Variants in ZMYND11 observed in about 807,000 individuals in gnomAD.
ZMYND11 encodes zinc finger MYND domain-containing protein 11.
ZMYND11 carries 9 observed loss-of-function variants against 84.9 expected under a neutral mutation model. The observed-to-expected ratio is 0.11, with a 90% confidence interval of 0.06 to 0.18. The LOEUF is 0.18. ZMYND11 is among the 10% of genes least tolerant of loss of function. ZMYND11 has a pLI of 1.00. For synonymous variants in ZMYND11, 250 were observed against 244.1 expected (o/e 1.02, Z -0.23); for missense variants, 409 against 761.0 (o/e 0.54, Z 5.44).
At chr10:182,565 C>T (rs1848104697) in intron 2 of ZMYND11, among the ~76,000 whole-genome samples, 1 of 152,132 alleles carries the variant, frequency 6.6e-6, no homozygotes, top group African/African-American at 2.4e-5. Context: ...CAAGTGTTTC[C>T]TCTTCCTCAT....
intron 9 of ZMYND11, 59 bp downstream of exon 9, chr10:241,029 G>C (rs574254202): frequency 7.3e-7 from 1 of 1,368,590 alleles, no homozygotes; most frequent in Admixed American, 2.0e-5. Flanking sequence ...TTTATTTCCA[G>C]TTTGGTTAAA....
At chr10:176,509 A>C (rs1345559720) in intron 1 of ZMYND11, among the ~76,000 whole-genome samples, 1 of 152,204 alleles carries the variant, frequency 6.6e-6, no homozygotes, top group Non-Finnish European at 1.5e-5. Context: ...AGTGAATTTA[A>C]TAATTTTATA....
At chr10:181,771 G>GA (rs199767832) in intron 2 of ZMYND11, among the ~76,000 whole-genome samples, 3,527 of 151,110 alleles carry the variant, frequency 0.023, 135 homozygotes, top group African/African-American at 0.08. Context: ...GATAGTAGAA[G>GA]AAAAAAAAGA....
At chr10:131,718 C>A (rs1332461393), upstream of ZMYND11, among the ~76,000 whole-genome samples, 1 of 151,654 alleles carries the variant, frequency 6.6e-6, no homozygotes, top group African/African-American at 2.4e-5. Flanking sequence ...TGTAGAGATG[C>A]GTCCTCGTTA....
At position 199,713 on chromosome 10, in the gene ZMYND11, C is replaced by T. The variant is rs567824433; in HGVS notation, c.117-10176C>T. ...CTCCTAAAGTGCTGGGATTATAGGT[C>T]TGAGCCACTGTGGCCTGCCACAACA... is the stretch of plus-strand genomic sequence containing the variant. On this transcript the variant is annotated intron_variant, in intron 2 of 14. Transcript: ENST00000381604. Among the ~76,000 whole-genome samples, 8 of 152,190 alleles carry T rather than the reference C, an allele frequency of 5.3e-5. No homozygotes were observed. The East Asian group carries it at 1.2e-3, about 22-fold the overall frequency.
intron 1 of ZMYND11, among the ~76,000 whole-genome samples, chr10:167,938 AT>A (rs549376884): frequency 7.2e-5 from 11 of 152,082 alleles, no homozygotes; most frequent in Non-Finnish European, 1.5e-4. Context: ...GATTCTTTTT[AT>A]TTTGTAAAAC....
chr10:206,493 G>A (rs1331652569), intron 2 of ZMYND11, among the ~76,000 whole-genome samples: 1 of 152,138 alleles, frequency 6.6e-6, no homozygotes, highest in Non-Finnish European at 1.5e-5. Context: ...ATTTCTGTCA[G>A]TATTTCTTTT....
chr10:242,218 A>G (rs1951100623), intron 10 of ZMYND11, 79 bp downstream of exon 10: 1 of 1,528,046 alleles, frequency 6.5e-7, no homozygotes, highest in South Asian at 1.3e-5. Flanking sequence ...TCTCCATCAG[A>G]GATGCATGAA....
chr10:147,848 G>C (rs782464723), intron 1 of ZMYND11: 2 of 152,094 alleles, frequency 1.3e-5, no homozygotes, highest in East Asian at 1.9e-4. Context: ...TTGCCATCCA[G>C]TTTGAATGTC....
intron 1 of ZMYND11, among the ~76,000 whole-genome samples, chr10:145,847 G>A (rs1838694260): frequency 6.6e-6 from 1 of 152,014 alleles, no homozygotes; most frequent in Admixed American, 6.6e-5. Flanking sequence ...TGTTTAATCT[G>A]ATGATTATTT....
intron 3 of ZMYND11, among the ~76,000 whole-genome samples, chr10:219,102 A>G (rs555488722): frequency 2.6e-5 from 4 of 152,254 alleles, no homozygotes; most frequent in African/African-American, 7.2e-5. Flanking sequence ...TTTGAGTTAT[A>G]CTTTCATTTC....
At chr10:164,165 T>C (rs1187511242) in intron 1 of ZMYND11, among the ~76,000 whole-genome samples, 1 of 152,164 alleles carries the variant, frequency 6.6e-6, no homozygotes, top group Non-Finnish European at 1.5e-5. Context: ...TTCTGTATGA[T>C]TTAATCTCAG....
At chr10:146,574 A>G (rs575502236) in intron 1 of ZMYND11, among the ~76,000 whole-genome samples, 4 of 152,176 alleles carry the variant, frequency 2.6e-5, no homozygotes, top group African/African-American at 7.2e-5. Context: ...CCTTGTAGCA[A>G]TCTTTCACCT....
At chr10:175,898 C>T (rs1846502738) in intron 1 of ZMYND11, among the ~76,000 whole-genome samples, 1 of 152,142 alleles carries the variant, frequency 6.6e-6, no homozygotes, top group South Asian at 2.1e-4. Flanking sequence ...AAACCTGAAC[C>T]TACCACCAGA....
chr10:246,656 A>G, intron 10 of ZMYND11, 110 bp from the exon 11 acceptor site: 1 of 1,011,366 alleles, frequency 9.9e-7, no homozygotes, highest in Admixed American at 2.1e-5. Flanking sequence ...AACAGACGAG[A>G]ACTGCCACAG....
intron 1 of ZMYND11, among the ~76,000 whole-genome samples, chr10:140,271 A>C (rs991060650): frequency 6.6e-6 from 1 of 152,340 alleles, no homozygotes; most frequent in Non-Finnish European, 1.5e-5. Flanking sequence ...CAAAATACCC[A>C]ATACAATAGT....
intron 1 of ZMYND11, among the ~76,000 whole-genome samples, chr10:154,419 C>T (rs935859333): frequency 1.3e-4 from 20 of 152,034 alleles, no homozygotes; most frequent in East Asian, 3.8e-4. Context: ...CAGAAAAAAG[C>T]AAAAAACCTG....
intron 1 of ZMYND11, among the ~76,000 whole-genome samples, chr10:166,099 A>G (rs1215148234): frequency 6.6e-6 from 1 of 152,142 alleles, no homozygotes; most frequent in Non-Finnish European, 1.5e-5. Context: ...ACATATAAAA[A>G]TTAACTCCAC....
chr10:247,035 T>G, intron 11 of ZMYND11, 62 bp downstream of exon 11: 1 of 1,428,056 alleles, frequency 7.0e-7, no homozygotes, highest in South Asian at 1.2e-5. Flanking sequence ...GAAATCTTAG[T>G]GCACACTCCT....
Sources: gnomAD v4.1 joint callset for allele counts (sites outside exome capture counted in the v4.1 genomes callset) on GRCh38, gnomAD v4.1.1 for gene constraint, MANE v1.5 for transcripts, NCBI Gene and HGNC (gene_info 2026-07-23, HGNC 2026-07-21) for gene names.